The following OLA1 variants were observed in gnomAD, a reference collection of about 807,000 sequenced individuals.
The protein encoded by OLA1 is obg-like ATPase 1.
A neutral mutation model predicts 48.4 loss-of-function variants in OLA1; 14 were observed. The observed-to-expected ratio is 0.29, with a 90% CI of 0.19 to 0.45. The LOEUF is 0.45. Among genes scored for constraint, OLA1 ranks in the 20% least tolerant of loss-of-function variants. The probability of loss-of-function intolerance (pLI) is 1.00; values close to 1 mark genes in which losing one functional copy is unlikely to be tolerated. For synonymous variants in OLA1, 127 were observed against 150.4 expected (o/e 0.84, Z 1.14); for missense variants, 325 against 467.1 (o/e 0.70, Z 2.80).
chr2:174,170,580 G>A (rs1309650839), intron 4 of OLA1, among the ~76,000 whole-genome samples: 1 of 152,156 alleles, frequency 6.6e-6, no homozygotes, highest in Non-Finnish European at 1.5e-5. Flanking sequence ...ACAATCATAT[G>A]TTCTGTATAA....
intron 2 of OLA1, among the ~76,000 whole-genome samples, chr2:174,235,103 G>A (rs1177108441): frequency 2.0e-5 from 3 of 152,160 alleles, no homozygotes; most frequent in Non-Finnish European, 4.4e-5. Flanking sequence ...AGGTTGCAGT[G>A]AGTGGAGATC....
intron 4 of OLA1, among the ~76,000 whole-genome samples, chr2:174,169,622 T>C (rs1443695567): frequency 6.6e-6 from 1 of 152,128 alleles, no homozygotes; most frequent in Admixed American, 6.5e-5. Context: ...GAAAGAAAAC[T>C]AAGAGAATTT....
At chr2:174,172,367 G>T in intron 4 of OLA1, 1 of 128,172 alleles carries the variant, frequency 7.8e-6, no homozygotes, top group South Asian at 2.6e-4. Context: ...CCGAAGGCCA[G>T]GCCCAACACG....
chr2:174,080,601 A>T, intron 9 of OLA1, among the ~76,000 whole-genome samples: 1 of 152,138 alleles, frequency 6.6e-6, no homozygotes, highest in East Asian at 1.9e-4. Flanking sequence ...GACTGAACAT[A>T]TAACACTGAA....
Position 174,075,544 on chromosome 2 carries a change from T to C in OLA1, c.1090-17A>G. Reference sequence around the variant, plus strand: ...TCCAGCAGCCTGCAAACAGAAAATATAGAGGAAATGGGTTATTAGTTTACA... The same window carrying C: ...TCCAGCAGCCTGCAAACAGAAAATACAGAGGAAATGGGTTATTAGTTTACA... On this transcript the variant is annotated splice_polypyrimidine_tract_variant and intron_variant, in intron 10 of 10. Transcript: ENST00000284719. 6.7e-7 allele frequency: 1 copy of C among 1,494,036 alleles called. No individual in the cohort carries two copies. Among genetic ancestry groups the C allele is most frequent in the South Asian group, 1.1e-5 (1 of 88,004 alleles). 92.5% of individuals were successfully genotyped at this position (1,494,036 alleles called of 1,614,324 possible).
At chr2:174,195,114 A>C (rs1687855836) in intron 4 of OLA1, among the ~76,000 whole-genome samples, 1 of 152,106 alleles carries the variant, frequency 6.6e-6, no homozygotes, top group Non-Finnish European at 1.5e-5. Flanking sequence ...ATTTCTAAGA[A>C]TATTTCCTCA....
chr2:174,117,885 C>T (rs1203390945), intron 7 of OLA1, among the ~76,000 whole-genome samples: 1 of 152,158 alleles, frequency 6.6e-6, no homozygotes, highest in Non-Finnish European at 1.5e-5. Flanking sequence ...ACCCTCTTCA[C>T]CAACTACTAA....
chr2:174,139,864 C>CAAAAAAAAAA (rs1162058790), intron 5 of OLA1, among the ~76,000 whole-genome samples: 1 of 76,966 alleles, frequency 1.3e-5, no homozygotes, highest in Non-Finnish European at 2.6e-5. Flanking sequence ...GACTCAGTCT[C>CAAAAAAAAAA]AAAAAAAAAA....
At chr2:174,218,792 A>T (rs1325221269) in intron 4 of OLA1, among the ~76,000 whole-genome samples, 1 of 152,098 alleles carries the variant, frequency 6.6e-6, no homozygotes, top group Non-Finnish European at 1.5e-5. Flanking sequence ...TTGGGGGTAA[A>T]CAAACTAAGT....
chr2:174,145,706 T>A (rs962918628), intron 4 of OLA1, among the ~76,000 whole-genome samples: 40 of 152,222 alleles, frequency 2.6e-4, no homozygotes, highest in African/African-American at 9.4e-4. Flanking sequence ...AATTTTCCAC[T>A]TACATTAGTG....
At chr2:174,129,878 A>G (rs116728303) in intron 5 of OLA1, among the ~76,000 whole-genome samples, 1 of 152,328 alleles carries the variant, frequency 6.6e-6, no homozygotes, top group African/African-American at 2.4e-5. Flanking sequence ...TGTAATAATT[A>G]TAACTTCCAA....
At chr2:174,168,743 C>T (rs901524101) in intron 4 of OLA1, among the ~76,000 whole-genome samples, 1 of 148,410 alleles carries the variant, frequency 6.7e-6, no homozygotes, top group African/African-American at 2.5e-5. Flanking sequence ...AACTGATAAA[C>T]ACAATATGTA....
chr2:174,180,756 A>C (rs1367976663), intron 4 of OLA1, among the ~76,000 whole-genome samples: 1 of 152,210 alleles, frequency 6.6e-6, no homozygotes, highest in Non-Finnish European at 1.5e-5. Flanking sequence ...TGGTCCTGGC[A>C]GTCTGGGAAA....
chr2:174,127,367 A>T (rs1411563018), intron 5 of OLA1, among the ~76,000 whole-genome samples: 1 of 152,228 alleles, frequency 6.6e-6, no homozygotes, highest in Non-Finnish European at 1.5e-5. Flanking sequence ...CTATCAGAGA[A>T]ATTCAATATT....
intron 5 of OLA1, 53 bp downstream of exon 5, chr2:174,141,772 A>G: frequency 7.2e-7 from 1 of 1,383,440 alleles, no homozygotes; most frequent in Non-Finnish European, 9.9e-7. Flanking sequence ...AAAAAATTTA[A>G]TCAAGAAAAA....
intron 10 of OLA1, among the ~76,000 whole-genome samples, chr2:174,078,605 A>G (rs944238103): frequency 6.6e-6 from 1 of 151,996 alleles, no homozygotes; most frequent in Non-Finnish European, 1.5e-5. Context: ...TCTTGAAGTA[A>G]TTATAAGCAT....
At chr2:174,223,611 C>CTA (rs959020351) in intron 3 of OLA1, among the ~76,000 whole-genome samples, 1 of 151,884 alleles carries the variant, frequency 6.6e-6, no homozygotes, top group African/African-American at 2.4e-5. Flanking sequence ...AAGATGGATG[C>CTA]TATTTATTAA....
chr2:174,150,794 C>T (rs1686727114), intron 4 of OLA1, among the ~76,000 whole-genome samples: 1 of 152,120 alleles, frequency 6.6e-6, no homozygotes, highest in African/African-American at 2.4e-5. Flanking sequence ...ACTGGACAAT[C>T]TGGTTAGGAA....
chr2:174,159,089 C>T (rs935094909), intron 4 of OLA1, among the ~76,000 whole-genome samples: 10 of 152,188 alleles, frequency 6.6e-5, no homozygotes, highest in African/African-American at 2.4e-4. Flanking sequence ...CTTGACTAAT[C>T]AAGGCTGTTT....
Sources: gnomAD v4.1 joint callset for allele counts (sites outside exome capture counted in the v4.1 genomes callset) on GRCh38, gnomAD v4.1.1 for gene constraint, MANE v1.5 for transcripts, NCBI Gene and HGNC (gene_info 2026-07-23, HGNC 2026-07-21) for gene names.